The following KLHL36 variants were observed in gnomAD, a reference collection of about 807,000 sequenced individuals.
The protein encoded by KLHL36 is kelch like family member 36, also known as kelch-like protein 36.
In KLHL36, 35 loss-of-function variants were observed where a neutral mutation model predicts 53.3. The ratio of observed to expected loss-of-function variants is 0.66; its 90% CI spans 0.50 to 0.87. The LOEUF is 0.87. Among genes scored for constraint, KLHL36 ranks in the 40% least tolerant of loss-of-function variants. The probability of loss-of-function intolerance (pLI) is 0.00; values close to 1 mark genes in which losing one functional copy is unlikely to be tolerated. For synonymous variants in KLHL36, 472 were observed against 398.9 expected (o/e 1.18, Z -2.18); for missense variants, 864 against 897.6 (o/e 0.96, Z 0.48).
chr16:84,657,379 A>C lies in KLHL36; in HGVS notation c.572A>C (p.Gln191Pro), dbSNP rs779442151. ...TPDFLQNVSMQKLCVYLSSSE... is the reference protein window; with the variant it reads ...TPDFLQNVSMPKLCVYLSSSE... ...GACTTCCTGCAGAACGTCTCCATGC[A>C]GAAGCTGTGTGTCTACCTGAGCAGC... The change falls in exon 3 of 5, where the codon CAG becomes CCG. Residue 191 changes from glutamine to proline, a missense_variant. Physicochemically the swap from Gln to Pro is moderately conservative, Grantham distance 76. Transcript: ENST00000564996. The C allele has an allele frequency of 1.9e-6, 3 of 1,610,154 alleles. No homozygotes were observed. Among genetic ancestry groups the C allele is most frequent in the Non-Finnish European group, 1.7e-6 (2 of 1,180,014 alleles).
At position 84,657,258 on chromosome 16, in the gene KLHL36, C is replaced by G. The variant is rs140539639; in HGVS notation, c.451C>G (p.Leu151Val). ...QEVSEDNYLY[L>V]QELASIYSLK... ...GGTGAGCGAGGACAACTACCTGTAC[C>G]TGCAGGAGCTGGCCTCCATCTACAG... is the stretch of plus-strand genomic sequence containing the variant. The change falls in exon 3 of 5, where the codon CTG becomes GTG. Residue 151 changes from leucine to valine, a missense_variant. By Grantham distance (32) the Leu-to-Val change is conservative. Coordinates refer to ENST00000564996, the MANE Select transcript of KLHL36 (RefSeq NM_024731.4). 44 of 1,614,166 alleles carry G rather than the reference C, an allele frequency of 2.7e-5. No individual in the cohort carries two copies. The African/African-American group carries it at 4.7e-4, about 17-fold the overall frequency.
intron 2 of KLHL36, among the ~76,000 whole-genome samples, chr16:84,654,577 AGTTTT>A (rs141914382): frequency 0.054 from 8,028 of 147,946 alleles, 302 homozygotes; most frequent in African/African-American, 0.1. Flanking sequence ...GCTTGAGACT[AGTTTT>A]GTTTTGTTTT....
intron 2 of KLHL36, among the ~76,000 whole-genome samples, chr16:84,655,588 C>T (rs549834698): frequency 6.6e-6 from 1 of 151,744 alleles, no homozygotes; most frequent in South Asian, 2.1e-4. Context: ...CCCGTAGTCC[C>T]AGCTACTCAG....
Position 84,650,901 on chromosome 16 carries a change from C to T in KLHL36, c.34C>T (p.Arg12Trp), listed in dbSNP as rs1906833064. Residue 12 changes from arginine to tryptophan, a missense_variant, in exon 2 of 5, where the codon CGG (arginine) becomes TGG (tryptophan). Coordinates refer to ENST00000564996, the MANE Select transcript of KLHL36 (RefSeq NM_024731.4). ...MEGSRQTRVS[R>W]PYKISESSKV... Reference sequence around the variant, plus strand: ...GGGAAGCAGGCAGACGCGAGTGTCTCGGCCATACAAGATCAGCGAATCATC... The same window carrying T: ...GGGAAGCAGGCAGACGCGAGTGTCTTGGCCATACAAGATCAGCGAATCATC... 2.5e-6 allele frequency: 4 copies of T among 1,611,632 alleles called. No individual in the cohort carries two copies. The highest frequency in any genetic ancestry group is 2.5e-6 in the Non-Finnish European group (3 of 1,179,462).
Position 84,662,085 on chromosome 16 carries a change from CAAG to C in KLHL36, c.1812_1814del (p.Lys605del), listed in dbSNP as rs747939826. 6 of 1,573,094 alleles carry C rather than the reference CAAG, an allele frequency of 3.8e-6. 1 individual carries two copies. In the South Asian group the frequency reaches 6.9e-5, roughly 18 times the overall value. On this transcript the variant is annotated inframe_deletion, in exon 5 of 5. Transcript: ENST00000564996. ...GCGCCCTGGAGCCACGGCCAGAGGA[CAAG>C]AAGAAGAAAGGCAAAGGCAAGAGGC...
At position 84,662,994 on chromosome 16, in the gene KLHL36, A is replaced by G. The variant is rs1464498473; in HGVS notation, c.*861A>G. ...GAACCCACTGTCTTTTATATTACTG[A>G]TGTACTGAGCTCCCAAATCTGTTTA... On this transcript the variant is annotated 3_prime_UTR_variant, in exon 5 of 5. Coordinates refer to ENST00000564996, the MANE Select transcript of KLHL36 (RefSeq NM_024731.4). 1 of 145,914 alleles carries G rather than the reference A, an allele frequency of 6.9e-6. No individual in the cohort carries two copies. Among genetic ancestry groups the G allele is most frequent in the Non-Finnish European group, 1.5e-5 (1 of 66,612 alleles). The allele number at this position is 145,914 out of a possible 1,614,324, so 9.0% of individuals were successfully genotyped here. A position where few individuals can be genotyped will look rare whatever the true frequency, so the allele number is the denominator to read the frequency against.
At chr16:84,650,970 A>C in intron 2 of KLHL36, 40 bp downstream of exon 2, 1 of 1,505,414 alleles carries the variant, frequency 6.6e-7, no homozygotes, top group Non-Finnish European at 9.1e-7. Flanking sequence ...AAATTGCCTA[A>C]GAAGTGTGAT....
intron 2 of KLHL36, among the ~76,000 whole-genome samples, chr16:84,654,336 A>G (rs1907078210): frequency 6.6e-6 from 1 of 152,176 alleles, no homozygotes; most frequent in African/African-American, 2.4e-5. Flanking sequence ...CTGTAGAAGC[A>G]CTGACCATTC....
rs762904232 is a variant in KLHL36, at chr16:84,659,874, A to G, written c.1252A>G (p.Ser418Gly). The G allele has an allele frequency of 2.5e-6, 4 of 1,614,150 alleles. No homozygotes were observed. The highest frequency in any genetic ancestry group is 1.1e-5 in the South Asian group (1 of 91,088). The change falls in exon 4 of 5, where the codon AGT (serine) becomes GGT (glycine). Residue 418 changes from serine to glycine, a missense_variant. By Grantham distance (56) the Ser-to-Gly change is moderately conservative (BLOSUM62 0). Transcript: ENST00000564996. The stretch of plus-strand genomic sequence containing the variant: ...AGCGCTCTCTTCAGTAGAGACGTAC[A>G]GTCCCAAGACTGACTCCTGGTCCTA... Reference protein sequence around the residue: ...NGALSSVETYSPKTDSWSYVA... With the variant: ...NGALSSVETYGPKTDSWSYVA...
At chr16:84,659,566 T>G in intron 3 of KLHL36, 194 bp from the exon 4 acceptor site, 1 of 574,456 alleles carries the variant, frequency 1.7e-6, no homozygotes, top group South Asian at 2.3e-5. Flanking sequence ...TTTTGGGGAT[T>G]CAGAGCATCT....
At position 84,663,573 on chromosome 16, in the gene KLHL36, G is replaced by C. The variant is rs907826267; in HGVS notation, c.*1440G>C. 57 of 152,018 alleles carry C rather than the reference G, an allele frequency of 3.7e-4. No individual in the cohort carries two copies. Among genetic ancestry groups the C allele is most frequent in the African/African-American group, 1.4e-3 (56 of 41,418 alleles). 9.4% of individuals were successfully genotyped at this position (152,018 alleles called of 1,614,324 possible). On this transcript the variant is annotated 3_prime_UTR_variant, in exon 5 of 5. Transcript: ENST00000564996. ...CAGAGATCAGTAAACTTCAAGATGT[G>C]CTTCATCTTCAATCCTAGTCTAACA...
Position 84,662,236 on chromosome 16 carries a change from A to G in KLHL36, c.*103A>G. The G allele has an allele frequency of 9.5e-7, 1 of 1,050,204 alleles. No individual in the cohort carries two copies. The highest frequency in any genetic ancestry group is 1.3e-6 in the Non-Finnish European group (1 of 750,372). 65.1% of individuals were successfully genotyped at this position (1,050,204 alleles called of 1,614,324 possible). On this transcript the variant is annotated 3_prime_UTR_variant, in exon 5 of 5. Transcript: ENST00000564996. ...CCGGAAACATTATGTACAACTTAGCAGCTTTTTTTACTTTTATGATTCTTG... is the reference window on the plus strand; with the variant it reads ...CCGGAAACATTATGTACAACTTAGCGGCTTTTTTTACTTTTATGATTCTTG...
Position 84,650,839 on chromosome 16 carries a change from GTTC to G in KLHL36, c.-16-8_-16-6del, listed in dbSNP as rs1567554962. 6.3e-7 allele frequency: 1 copy of G among 1,599,686 alleles called. No homozygotes were observed. Among genetic ancestry groups the G allele is most frequent in the Non-Finnish European group, 8.6e-7 (1 of 1,168,972 alleles). On this transcript the variant is annotated splice_polypyrimidine_tract_variant and intron_variant, in intron 1 of 4. Coordinates refer to ENST00000564996, the MANE Select transcript of KLHL36 (RefSeq NM_024731.4). ...TTATGACTGCATGCTCAGAAATCCTGTTCTTCTCCTAGGGCTGAAATCTCTTTA... is the reference window on the plus strand; with the variant it reads ...TTATGACTGCATGCTCAGAAATCCTGTTCTCCTAGGGCTGAAATCTCTTTA...
At position 84,656,336 on chromosome 16, in the gene KLHL36, C is replaced by T. The variant is rs537202608; in HGVS notation, c.64-535C>T. 6.0e-5 allele frequency among the ~76,000 whole-genome samples: 9 copies of T among 150,850 alleles called. No individual in the cohort carries two copies. The East Asian group carries it at 9.9e-4, about 17-fold the overall frequency. On this transcript the variant is annotated intron_variant, in intron 2 of 4. Transcript: ENST00000564996. ...CCAGGCTGGAGTGTAGTGGTGTGCT[C>T]TTGGCTCACTGCAACCTCCATCTCC...
In KLHL36 at chr16:84,663,288, C is replaced by T. The variant is rs17828772; in HGVS notation, c.*1155C>T. The T allele has an allele frequency of 6.6e-6, 1 of 152,280 alleles. No individual in the cohort carries two copies. The highest frequency in any genetic ancestry group is 2.4e-5 in the African/African-American group (1 of 41,458). The allele number at this position is 152,280 out of a possible 1,614,324, so 9.4% of individuals were successfully genotyped here. A position where few individuals can be genotyped will look rare whatever the true frequency, so the allele number is the denominator to read the frequency against. On this transcript the variant is annotated 3_prime_UTR_variant, in exon 5 of 5. Coordinates refer to ENST00000564996, the MANE Select transcript of KLHL36 (RefSeq NM_024731.4). The stretch of plus-strand genomic sequence containing the variant: ...GATTAGATGGAATACCCTCCAGGCT[C>T]CTCCCGGGTGATAGGGCCATTCAGC...
At position 84,659,742 on chromosome 16, in the gene KLHL36, G is replaced by A. The variant is rs995745741; in HGVS notation, c.1138-18G>A. 3 of 1,612,992 alleles carry A rather than the reference G, an allele frequency of 1.9e-6. No homozygotes were observed. The Admixed American group carries it at 5.0e-5, about 27-fold the overall frequency. Reference sequence around the variant, plus strand: ...CCGGGTTCGGGGAAGGGAAGGTACAGGTATCTCAACTCCACAGGTGGCCTC... The same window carrying A: ...CCGGGTTCGGGGAAGGGAAGGTACAAGTATCTCAACTCCACAGGTGGCCTC... On this transcript the variant is annotated intron_variant, in intron 3 of 4. Transcript: ENST00000564996.
chr16:84,654,300 AC>A lies in KLHL36; in HGVS notation c.64-2568del, dbSNP rs528511953. Among the ~76,000 whole-genome samples the A allele has an allele frequency of 1.2e-3, 185 of 152,224 alleles. 2 individuals carry two copies. Among genetic ancestry groups the A allele is most frequent in the African/African-American group, 3.6e-3 (149 of 41,536 alleles). On this transcript the variant is annotated intron_variant, in intron 2 of 4. Transcript: ENST00000564996. ...TTTTAATTTCCTTCCTTCAGCTCAC[AC>A]CCAAGAGGGGCCTCCAGTCAATGTC...
chr16:84,658,176 C>T (rs1018028477), intron 3 of KLHL36: 4 of 395,670 alleles, frequency 1.0e-5, no homozygotes, highest in African/African-American at 4.1e-5. Context: ...CACTGCCTGG[C>T]GGGGCTTTCT....
In KLHL36 at chr16:84,661,099, C is replaced by A. The variant is rs894228416; in HGVS notation, c.1296-479C>A. ...GTGCGTGCTGTCCATCCCTCCCTCC[C>A]CTCTCCCCACAGTCCTGGCAGCCAC... On this transcript the variant is annotated intron_variant, in intron 4 of 4. Coordinates refer to ENST00000564996, the MANE Select transcript of KLHL36 (RefSeq NM_024731.4). This position sits in a 1 kb window ranked among gnomAD's most constrained non-coding sequence, Gnocchi z 7.9. 6.6e-6 allele frequency among the ~76,000 whole-genome samples: 1 copy of A among 152,184 alleles called. No homozygotes were observed. Among genetic ancestry groups the A allele is most frequent in the African/African-American group, 2.4e-5 (1 of 41,450 alleles).
Sources: gnomAD v4.1 joint callset for allele counts (sites outside exome capture counted in the v4.1 genomes callset) on GRCh38, gnomAD v4.1.1 for gene constraint, Gnocchi (gnomAD v3.1) non-coding constraint, MANE v1.5 for transcripts, NCBI Gene and HGNC (gene_info 2026-07-23, HGNC 2026-07-21) for gene names.